RALY: variants seen among roughly 807,000 people sequenced by gnomAD.
The protein encoded by RALY is RNA-binding protein Raly.
RALY carries 15 observed loss-of-function variants against 30.7 expected under a neutral mutation model. The ratio of observed to expected loss-of-function variants is 0.49; its 90% CI spans 0.33 to 0.75. The LOEUF (loss-of-function observed/expected upper bound fraction) is 0.75. Ranked by LOEUF, RALY falls within the 30% of genes least tolerant of loss-of-function variation. The pLI is 0.02. For missense variants in RALY, 339 were observed against 414.3 expected, an observed-to-expected ratio of 0.82 and a Z score of 1.58; for synonymous variants, 177 against 170.8, an observed-to-expected ratio of 1.04 and a Z score of -0.28.
intron 1 of RALY, among the ~76,000 whole-genome samples, chr20:34,030,090 G>C (rs1011867009): frequency 6.6e-6 from 1 of 152,172 alleles, no homozygotes; most frequent in African/African-American, 2.4e-5. Context: ...TGTCAGGCTT[G>C]GGTGTAGATG....
At chr20:34,051,845 TC>T (rs922766518) in intron 2 of RALY, among the ~76,000 whole-genome samples, 6 of 152,326 alleles carry the variant, frequency 3.9e-5, no homozygotes, top group Middle Eastern at 3.4e-3. Flanking sequence ...GACCTCGTGA[TC>T]CAGGTGCCTT....
At chr20:34,048,553 A>G (rs2032963795) in intron 2 of RALY, among the ~76,000 whole-genome samples, 1 of 152,202 alleles carries the variant, frequency 6.6e-6, no homozygotes, top group Non-Finnish European at 1.5e-5. Context: ...CATGACTTCC[A>G]GGTCAAGAAT....
intron 2 of RALY, among the ~76,000 whole-genome samples, chr20:34,060,953 G>A (rs1352254637): frequency 6.6e-6 from 1 of 152,186 alleles, no homozygotes; most frequent in Non-Finnish European, 1.5e-5. Context: ...CATAGTCTTA[G>A]GTAAGTACAG....
At chr20:34,025,823 C>G (rs1209251593) in intron 1 of RALY, among the ~76,000 whole-genome samples, 1 of 151,764 alleles carries the variant, frequency 6.6e-6, no homozygotes, top group East Asian at 1.9e-4. Flanking sequence ...ATGTCCACAC[C>G]CAGGCTTCCC....
chr20:34,036,936 T>G (rs941480105), intron 2 of RALY, among the ~76,000 whole-genome samples: 1 of 152,182 alleles, frequency 6.6e-6, no homozygotes, highest in South Asian at 2.1e-4. Flanking sequence ...TATTATTTTC[T>G]GTTTTATTTA....
At chr20:34,013,238 C>T (rs974801694) in intron 1 of RALY, among the ~76,000 whole-genome samples, 2 of 150,922 alleles carry the variant, frequency 1.3e-5, no homozygotes, top group African/African-American at 4.9e-5. Context: ...TTAAAACAAA[C>T]AAACAAACAA....
intron 1 of RALY, among the ~76,000 whole-genome samples, chr20:34,026,251 C>G (rs1188440502): frequency 6.6e-6 from 1 of 152,032 alleles, no homozygotes; most frequent in Non-Finnish European, 1.5e-5. Context: ...GGAGTTTGGA[C>G]AAGCAAACTC....
At chr20:34,040,291 G>T (rs1447077633) in intron 2 of RALY, among the ~76,000 whole-genome samples, 2 of 152,084 alleles carry the variant, frequency 1.3e-5, no homozygotes, top group Admixed American at 6.5e-5. Flanking sequence ...AAGGTCAGTT[G>T]TGCCCATATG....
At chr20:34,052,339 TC>T (rs1482861403) in intron 2 of RALY, among the ~76,000 whole-genome samples, 1 of 152,184 alleles carries the variant, frequency 6.6e-6, no homozygotes, top group Non-Finnish European at 1.5e-5. Flanking sequence ...GTGGAAGATT[TC>T]ATGTAACTGA....
At chr20:34,004,630 C>T (rs1044718787) in intron 1 of RALY, among the ~76,000 whole-genome samples, 12 of 152,078 alleles carry the variant, frequency 7.9e-5, no homozygotes, top group African/African-American at 2.9e-4. Flanking sequence ...AAGGTCATGT[C>T]GTTATGAAGC....
At chr20:34,011,586 T>A (rs957248471) in intron 1 of RALY, among the ~76,000 whole-genome samples, 1 of 152,134 alleles carries the variant, frequency 6.6e-6, no homozygotes, top group Non-Finnish European at 1.5e-5. Flanking sequence ...AAACTAACCA[T>A]AAGCAGGAGT....
chr20:34,003,639 T>G (rs1285974710), intron 1 of RALY, among the ~76,000 whole-genome samples: 2 of 142,582 alleles, frequency 1.4e-5, no homozygotes, highest in Non-Finnish European at 3.0e-5. Flanking sequence ...AAACAGTTTT[T>G]TTTTTTTTTT....
intron 1 of RALY, among the ~76,000 whole-genome samples, chr20:34,029,368 C>T (rs562346775): frequency 6.6e-6 from 1 of 151,662 alleles, no homozygotes; most frequent in African/African-American, 2.4e-5. Flanking sequence ...ACCCGGGGGG[C>T]CGGGGGTTGC....
At chr20:34,029,508 G>GA in intron 1 of RALY, among the ~76,000 whole-genome samples, 1 of 119,348 alleles carries the variant, frequency 8.4e-6, no homozygotes, top group African/African-American at 3.8e-5. Context: ...GAGGGAGGGA[G>GA]GGAGATGATT....
intron 1 of RALY, among the ~76,000 whole-genome samples, chr20:34,005,470 C>T (rs2031116244): frequency 6.6e-6 from 1 of 151,820 alleles, no homozygotes; most frequent in Non-Finnish European, 1.5e-5. Flanking sequence ...GATCGTGCCA[C>T]TGCGCTCCAG....
At chr20:34,039,940 G>A (rs532079266) in intron 2 of RALY, among the ~76,000 whole-genome samples, 1 of 152,056 alleles carries the variant, frequency 6.6e-6, no homozygotes, top group Non-Finnish European at 1.5e-5. Flanking sequence ...GTGAAACCCC[G>A]TCTCTACTAA....
chr20:34,033,053 A>G (rs2032344689), intron 2 of RALY: 1 of 152,236 alleles, frequency 6.6e-6, no homozygotes, highest in Admixed American at 6.5e-5. Flanking sequence ...CGTCTGTAAC[A>G]CATGGGATCT....
chr20:33,995,404 G>A (rs2030566883), intron 1 of RALY, among the ~76,000 whole-genome samples: 2 of 152,192 alleles, frequency 1.3e-5, no homozygotes, highest in African/African-American at 4.8e-5. Context: ...ATCGATCCTA[G>A]TTTGATGGGG....
At chr20:34,046,198 C>T (rs1386965374) in intron 2 of RALY, among the ~76,000 whole-genome samples, 1 of 152,194 alleles carries the variant, frequency 6.6e-6, no homozygotes, top group South Asian at 2.1e-4. Context: ...CTCTTAACCA[C>T]AGGTCTGTAT....
Sources: gnomAD v4.1 joint callset for allele counts (sites outside exome capture counted in the v4.1 genomes callset) on GRCh38, gnomAD v4.1.1 for gene constraint, MANE v1.5 for transcripts, NCBI Gene and HGNC (gene_info 2026-07-23, HGNC 2026-07-21) for gene names.